Variants in IL1RAPL1 observed in about 807,000 individuals in gnomAD.
IL1RAPL1 encodes the protein interleukin-1 receptor accessory protein-like 1.
A neutral mutation model predicts 48.4 loss-of-function variants in IL1RAPL1; 3 were observed. The observed-to-expected ratio is 0.06, with a 90% CI of 0.03 to 0.16. The LOEUF (loss-of-function observed/expected upper bound fraction) is 0.16, where lower values mean the gene tolerates loss of function less well. Among genes scored for constraint, IL1RAPL1 ranks in the 10% least tolerant of loss-of-function variants. IL1RAPL1 has a pLI of 1.00. For synonymous variants in IL1RAPL1, 185 were observed against 187.7 expected, an observed-to-expected ratio of 0.99 and a Z score of 0.12; for missense variants, 349 against 530.6, an observed-to-expected ratio of 0.66 and a Z score of 3.36.
chrX:28,963,140 A>G (rs751860276), intron 2 of IL1RAPL1, among the ~76,000 whole-genome samples: 4 of 111,399 alleles, frequency 3.6e-5, no homozygotes, highest in African/African-American at 1.3e-4. Context: ...AATCACAACC[A>G]TTCTTTGAAA....
At chrX:28,935,483 A>T (rs1332102661) in intron 2 of IL1RAPL1, among the ~76,000 whole-genome samples, 10 of 111,791 alleles carry the variant, frequency 8.9e-5, no homozygotes, top group African/African-American at 3.3e-4. Flanking sequence ...TCGTTGACTT[A>T]TGTGTCCATC....
chrX:29,405,337 A>G (rs1335275820), intron 5 of IL1RAPL1, among the ~76,000 whole-genome samples: 2 of 108,028 alleles, frequency 1.9e-5, no homozygotes, highest in African/African-American at 7.0e-5. Flanking sequence ...GTGCCTGTAT[A>G]GATATGATAT....
chrX:29,334,513 C>T (rs1361247547), intron 3 of IL1RAPL1, among the ~76,000 whole-genome samples: 55 of 107,976 alleles, frequency 5.1e-4, no homozygotes, highest in African/African-American at 9.6e-4. Context: ...CTCCTCACTT[C>T]CCAGACGGGG....
intron 1 of IL1RAPL1, among the ~76,000 whole-genome samples, chrX:28,660,657 G>C (rs1934811393): frequency 9.0e-6 from 1 of 111,539 alleles, no homozygotes; most frequent in Non-Finnish European, 1.9e-5. Flanking sequence ...AGATTAAGAA[G>C]GGATTATTTT....
chrX:28,822,119 T>G (rs936146532), intron 2 of IL1RAPL1, among the ~76,000 whole-genome samples: 10 of 111,274 alleles, frequency 9.0e-5, no homozygotes, highest in African/African-American at 3.3e-4. Context: ...CTCCTCATCA[T>G]GTACATTCCA....
chrX:29,301,410 A>C (rs1280124818), intron 3 of IL1RAPL1, among the ~76,000 whole-genome samples: 1 of 112,040 alleles, frequency 8.9e-6, no homozygotes, highest in African/African-American at 3.2e-5. Context: ...ACTCACATAA[A>C]AATGTTATTT....
At chrX:28,916,765 TCA>T (rs1418242404) in intron 2 of IL1RAPL1, among the ~76,000 whole-genome samples, 8 of 112,345 alleles carry the variant, frequency 7.1e-5, no homozygotes, top group African/African-American at 2.3e-4. Context: ...TAGGTGAGCT[TCA>T]CACATTTGTA....
chrX:29,319,364 A>ATTTTTTTTTTTTTTTTTTTTTTT lies in IL1RAPL1; in HGVS notation c.362+36167_362+36168insTTTTTTTTTTTTTTTTTTTTTTT, dbSNP rs762918998. Reference sequence around the variant, plus strand: ...ACCCCACTGCATGTAGATAAATTTAATTTTTTTTTTTTTTTTTTTTGTAGA... The same window carrying ATTTTTTTTTTTTTTTTTTTTTTT: ...ACCCCACTGCATGTAGATAAATTTAATTTTTTTTTTTTTTTTTTTTTTTTTTTTTTTTTTTTTTTTTTTGTAGA... On this transcript the variant is annotated intron_variant, in intron 3 of 10. Coordinates refer to ENST00000378993, the MANE Select transcript of IL1RAPL1 (RefSeq NM_014271.4). Among the ~76,000 whole-genome samples the ATTTTTTTTTTTTTTTTTTTTTTT allele has an allele frequency of 5.0e-4, 29 of 58,148 alleles. 1 individual carries two copies. Among genetic ancestry groups the ATTTTTTTTTTTTTTTTTTTTTTT allele is most frequent in the African/African-American group, 6.6e-4 (9 of 13,683 alleles). 50.5% of individuals were successfully genotyped at this position (58,148 alleles called of 115,157 possible). A position where few individuals can be genotyped will look rare whatever the true frequency, so the allele number is the denominator to read the frequency against.
chrX:29,470,689 A>T (rs1569318448), intron 5 of IL1RAPL1, among the ~76,000 whole-genome samples: 1 of 111,588 alleles, frequency 9.0e-6, no homozygotes, highest in Non-Finnish European at 1.9e-5. Flanking sequence ...ACTAGAGTGC[A>T]CTGGCATGAT....
intron 6 of IL1RAPL1, among the ~76,000 whole-genome samples, chrX:29,708,087 G>A (rs1254573495): frequency 9.2e-6 from 1 of 109,110 alleles, no homozygotes. Flanking sequence ...ATTTATTTTT[G>A]TGTCTAGTGT....
chrX:28,641,083 A>G (rs1239598151), intron 1 of IL1RAPL1, among the ~76,000 whole-genome samples: 1 of 107,872 alleles, frequency 9.3e-6, no homozygotes, highest in Admixed American at 1.0e-4. Context: ...TTTTAATTAT[A>G]CTTTAAGTAC....
intron 3 of IL1RAPL1, among the ~76,000 whole-genome samples, chrX:29,333,001 A>G (rs1208211384): frequency 9.0e-6 from 1 of 111,383 alleles, no homozygotes; most frequent in Non-Finnish European, 1.9e-5. Context: ...AGGCAGAAGA[A>G]TTTTTCTTAG....
intron 2 of IL1RAPL1, among the ~76,000 whole-genome samples, chrX:29,100,742 T>G (rs923161234): frequency 8.9e-6 from 1 of 111,764 alleles, no homozygotes; most frequent in Non-Finnish European, 1.9e-5. Context: ...TCTATTAGCC[T>G]TCTGTACTTC....
intron 2 of IL1RAPL1, among the ~76,000 whole-genome samples, chrX:29,262,257 A>T (rs1352794222): frequency 8.9e-6 from 1 of 112,505 alleles, no homozygotes; most frequent in Non-Finnish European, 1.9e-5. Context: ...ATTTTTTGAA[A>T]GAGTGAAATA....
At chrX:29,031,477 C>T (rs1364684934) in intron 2 of IL1RAPL1, among the ~76,000 whole-genome samples, 1 of 111,639 alleles carries the variant, frequency 9.0e-6, no homozygotes, top group Non-Finnish European at 1.9e-5. Context: ...GAAGAGTGGT[C>T]ATTGTGGATT....
At chrX:29,947,370 G>T (rs1933231790) in intron 9 of IL1RAPL1, among the ~76,000 whole-genome samples, 1 of 110,799 alleles carries the variant, frequency 9.0e-6, no homozygotes, top group South Asian at 3.8e-4. Context: ...TATGAAGTAT[G>T]TGGGGCATGC....
intron 2 of IL1RAPL1, among the ~76,000 whole-genome samples, chrX:28,986,793 G>A (rs1420403531): frequency 1.8e-5 from 2 of 111,931 alleles, no homozygotes; most frequent in Non-Finnish European, 3.8e-5. Flanking sequence ...CCAAGGGAAG[G>A]ATTATTTTCT....
At chrX:29,283,354 A>C in intron 3 of IL1RAPL1, 137 bp downstream of exon 3, 1 of 587,914 alleles carries the variant, frequency 1.7e-6, no homozygotes, top group Non-Finnish European at 2.7e-6. Flanking sequence ...AAAATTTAGA[A>C]TCAAAATCAT....
chrX:28,982,213 C>T (rs1925360325), intron 2 of IL1RAPL1, among the ~76,000 whole-genome samples: 1 of 111,935 alleles, frequency 8.9e-6, no homozygotes, highest in African/African-American at 3.2e-5. Flanking sequence ...TTTGAATTTA[C>T]AGTTGTTTTC....
Sources: allele counts gnomAD v4.1 joint callset (sites outside exome capture counted in the v4.1 genomes callset), GRCh38; gene constraint gnomAD v4.1.1; transcripts MANE v1.5; gene names NCBI Gene and HGNC (gene_info 2026-07-23, HGNC 2026-07-21).